The following LRRCC1 variants were observed in gnomAD, a reference collection of about 807,000 sequenced individuals.
The protein encoded by LRRCC1 is leucine-rich repeat and coiled-coil domain-containing protein 1.
A neutral mutation model predicts 126.0 loss-of-function variants in LRRCC1; 115 were observed. The ratio of observed to expected loss-of-function variants is 0.91; its 90% confidence interval spans 0.78 to 1.07. LRRCC1 has a LOEUF of 1.07. LRRCC1 is among the 50% of genes least tolerant of loss of function. The probability of loss-of-function intolerance (pLI) is 0.00; values close to 1 mark genes in which losing one functional copy is unlikely to be tolerated. For missense variants in LRRCC1, 1,172 were observed against 1,175.7 expected (o/e 1.00, Z 0.05); for synonymous variants, 400 against 393.4 (o/e 1.02, Z -0.20).
At chr8:85,129,464 A>T in intron 10 of LRRCC1, 85 bp downstream of exon 10, 2 of 1,173,590 alleles carry the variant, frequency 1.7e-6, no homozygotes, top group South Asian at 3.0e-5. Flanking sequence ...CTACCTAGAA[A>T]ACCTAAAAGA....
chr8:85,117,544 C>T (rs1425483153), intron 6 of LRRCC1, among the ~76,000 whole-genome samples: 1 of 152,138 alleles, frequency 6.6e-6, no homozygotes, highest in Admixed American at 6.5e-5. Flanking sequence ...CTGCAATGTG[C>T]TGTACTATAA....
At chr8:85,118,411 G>A (rs1297714231) in intron 6 of LRRCC1, among the ~76,000 whole-genome samples, 2 of 151,820 alleles carry the variant, frequency 1.3e-5, no homozygotes, top group African/African-American at 4.8e-5. Context: ...GCAGTTTCTG[G>A]GTTATAGGGT....
intron 6 of LRRCC1, among the ~76,000 whole-genome samples, chr8:85,121,700 C>T (rs1011873827): frequency 2.0e-5 from 3 of 152,102 alleles, no homozygotes; most frequent in East Asian, 1.9e-4. Context: ...CTTGGCTTCC[C>T]GAAGTGGTGG....
intron 18 of LRRCC1, among the ~76,000 whole-genome samples, chr8:85,143,883 T>C (rs993152482): frequency 2.6e-5 from 4 of 152,128 alleles, no homozygotes; most frequent in Admixed American, 6.5e-5. Context: ...AGGCAGGGGA[T>C]TATGAGGTAT....
chr8:85,123,847 A>G (rs1809758979), intron 7 of LRRCC1, among the ~76,000 whole-genome samples: 1 of 152,120 alleles, frequency 6.6e-6, no homozygotes, highest in South Asian at 2.1e-4. Flanking sequence ...TCATACTATA[A>G]AGAATACTGA....
chr8:85,110,922 C>G (rs1159854545), intron 3 of LRRCC1, among the ~76,000 whole-genome samples: 1 of 152,172 alleles, frequency 6.6e-6, no homozygotes, highest in Non-Finnish European at 1.5e-5. Flanking sequence ...CAATCTGATT[C>G]ATTTGTCGAC....
intron 12 of LRRCC1, among the ~76,000 whole-genome samples, chr8:85,133,457 A>G (rs1259453433): frequency 6.6e-6 from 1 of 152,182 alleles, no homozygotes; most frequent in Admixed American, 6.5e-5. Flanking sequence ...GCATCATTAT[A>G]TCTCCAGCCT....
Position 85,115,147 on chromosome 8 carries a change from G to A in LRRCC1, c.592G>A (p.Asp198Asn), listed in dbSNP as rs777085889. 1.1e-5 allele frequency: 18 copies of A among 1,612,828 alleles called. No homozygotes were observed. The highest frequency in any genetic ancestry group is 1.7e-5 in the Admixed American group (1 of 59,878). The change falls in exon 5 of 19, where the codon GAT becomes AAT. Residue 198 changes from aspartate to asparagine, a missense_variant. Physicochemically the swap from Asp to Asn is conservative, Grantham distance 23 (BLOSUM62 1). Transcript: ENST00000360375. ...GACTTTGCCACAGCTTAGAATCCTA[G>A]ATTGCAAGAACATATTTGGTGAACC... Reference protein sequence around the residue: ...LQTLPQLRILDCKNIFGEPVN... With the variant: ...LQTLPQLRILNCKNIFGEPVN...
intron 17 of LRRCC1, among the ~76,000 whole-genome samples, chr8:85,138,992 G>A (rs1016893768): frequency 5.3e-5 from 8 of 152,010 alleles, no homozygotes; most frequent in African/African-American, 1.9e-4. Context: ...GTTGCAGTGA[G>A]CTGAGATCAC....
intron 7 of LRRCC1, among the ~76,000 whole-genome samples, 194 bp downstream of exon 7, chr8:85,123,800 C>G (rs956196223): frequency 6.6e-6 from 1 of 151,988 alleles, no homozygotes; most frequent in African/African-American, 2.4e-5. Flanking sequence ...GTGTCTGTAC[C>G]TAAGTTGCAA....
Position 85,123,392 on chromosome 8 carries a change from TG to T in LRRCC1, c.931-20del, listed in dbSNP as rs1809717792. ...TTTATACTGAACTTTTAACAAATTT[TG>T]TTGGCTTTTTAAATTTTAGACTTCT... On this transcript the variant is annotated intron_variant, in intron 6 of 18. Transcript: ENST00000360375. 6.6e-7 allele frequency: 1 copy of T among 1,524,034 alleles called. No individual in the cohort carries two copies. The highest frequency in any genetic ancestry group is 8.9e-7 in the Non-Finnish European group (1 of 1,125,482). 94.4% of individuals were successfully genotyped at this position (1,524,034 alleles called of 1,614,324 possible). A position where few individuals can be genotyped will look rare whatever the true frequency, so the allele number is the denominator to read the frequency against.
chr8:85,145,220 T>C (rs1487541784), intron 18 of LRRCC1, among the ~76,000 whole-genome samples, 169 bp from the exon 19 acceptor site: 3 of 151,908 alleles, frequency 2.0e-5, no homozygotes, highest in Non-Finnish European at 4.4e-5. Flanking sequence ...ATAAATACTG[T>C]ATTTTTCCTA....
intron 12 of LRRCC1, among the ~76,000 whole-genome samples, chr8:85,133,559 T>C (rs1465072283): frequency 2.0e-5 from 3 of 152,164 alleles, no homozygotes; most frequent in Admixed American, 2.0e-4. Flanking sequence ...ACCTTCTACT[T>C]TGACATTTCT....
At chr8:85,128,045 A>G (rs900783166) in intron 9 of LRRCC1, among the ~76,000 whole-genome samples, 3 of 152,230 alleles carry the variant, frequency 2.0e-5, no homozygotes, top group Non-Finnish European at 2.9e-5. Context: ...AAGAGAAAAG[A>G]TATGTCTTCC....
intron 12 of LRRCC1, among the ~76,000 whole-genome samples, chr8:85,133,259 A>G (rs974079481): frequency 1.3e-5 from 2 of 151,988 alleles, no homozygotes; most frequent in African/African-American, 2.4e-5. Context: ...CTCCTCTTCC[A>G]TACTCTTTCT....
At position 85,107,261 on chromosome 8, in the gene LRRCC1, T is replaced by C. The variant is rs762225332; in HGVS notation, c.-35T>C. On this transcript the variant is annotated 5_prime_UTR_variant, in exon 1 of 19. Coordinates refer to ENST00000360375, the MANE Select transcript of LRRCC1 (RefSeq NM_033402.5). Reference sequence around the variant, plus strand: ...CCAAGCTCACGGACCCCTCGCTGGGTGCCGGTTAAGACCCCGCTCCCCGTC... The same window carrying C: ...CCAAGCTCACGGACCCCTCGCTGGGCGCCGGTTAAGACCCCGCTCCCCGTC... 1.9e-6 allele frequency: 3 copies of C among 1,580,090 alleles called. No individual in the cohort carries two copies. In the South Asian group the frequency reaches 3.4e-5, roughly 18 times the overall value.
At position 85,116,332 on chromosome 8, in the gene LRRCC1, A is replaced by G. The variant is rs568008823; in HGVS notation, c.930+748A>G. Among the ~76,000 whole-genome samples, 8 of 152,182 alleles carry G rather than the reference A, an allele frequency of 5.3e-5. No individual in the cohort carries two copies. The East Asian group carries it at 1.4e-3, about 26-fold the overall frequency. On this transcript the variant is annotated intron_variant, in intron 6 of 18. Transcript: ENST00000360375. ...GTATAGTTCAAAGAGGCTATTAGTC[A>G]TATGTTAGTTCAACTTAAAAATTTT... is the stretch of plus-strand genomic sequence containing the variant.
Position 85,126,773 on chromosome 8 carries a change from G to C in LRRCC1, c.1357G>C (p.Glu453Gln). Residue 453 changes from glutamate to glutamine, a missense_variant, in exon 9 of 19, where the codon GAG becomes CAG. Glu to Gln is a conservative substitution (Grantham distance 29). Transcript: ENST00000360375. ...AAATAAACTCATGGATTATATTGAT[G>C]AGCTGCATAAACATGCAAATGAAAA... is the stretch of plus-strand genomic sequence containing the variant. ...AENKLMDYID[E>Q]LHKHANEKED... 1 of 1,612,604 alleles carries C rather than the reference G, an allele frequency of 6.2e-7. No homozygotes were observed. Among genetic ancestry groups the C allele is most frequent in the Non-Finnish European group, 8.5e-7 (1 of 1,179,394 alleles).
At chr8:85,130,681 T>G (rs1222162873) in intron 11 of LRRCC1, among the ~76,000 whole-genome samples, 1 of 152,128 alleles carries the variant, frequency 6.6e-6, no homozygotes, top group Non-Finnish European at 1.5e-5. Flanking sequence ...AGAGAGAAAA[T>G]TTTTAATTGA....
Sources: gnomAD v4.1 joint callset for allele counts (sites outside exome capture counted in the v4.1 genomes callset) on GRCh38, gnomAD v4.1.1 for gene constraint, MANE v1.5 for transcripts, NCBI Gene and HGNC (gene_info 2026-07-23, HGNC 2026-07-21) for gene names.